CGB8: variants seen among roughly 807,000 people sequenced by gnomAD.
The protein encoded by CGB8 is chorionic gonadotropin subunit beta 8.
In CGB8, 2 loss-of-function variants were observed where a neutral mutation model predicts 7.6. The ratio of observed to expected loss-of-function variants is 0.26; its 90% confidence interval spans 0.11 to 0.83. The LOEUF (loss-of-function observed/expected upper bound fraction) is 0.83. Ranked by LOEUF, CGB8 falls within the 40% of genes least tolerant of loss-of-function variation. The probability of loss-of-function intolerance (pLI) is 0.65; values close to 1 mark genes in which losing one functional copy is unlikely to be tolerated. For synonymous variants in CGB8, 8 were observed against 91.5 expected, an observed-to-expected ratio of 0.09 and a Z score of 5.21; for missense variants, 16 against 208.2, an observed-to-expected ratio of 0.08 and a Z score of 5.68.
At position 49,048,326 on chromosome 19, in the gene CGB8, G is replaced by T; in HGVS notation, c.62C>A (p.Ser21Tyr). 6.3e-7 allele frequency: 1 copy of T among 1,592,744 alleles called. No individual in the cohort carries two copies. Among genetic ancestry groups the T allele is most frequent in the Non-Finnish European group, 8.5e-7 (1 of 1,179,106 alleles). ...GCACCGTGGCCGAAGCGGCTCCTTGGATGCCCATGTCCCGCCCATGCTCAG... is the reference window on the plus strand; with the variant it reads ...GCACCGTGGCCGAAGCGGCTCCTTGTATGCCCATGTCCCGCCCATGCTCAG... ...LLLSMGGTWA[S>Y]KEPLRPRCRP... The change falls in exon 2 of 3, where the codon TCC becomes TAC. Residue 21 changes from serine (S) to tyrosine (Y), a missense_variant. By Grantham distance (144) the Ser-to-Tyr change is moderately radical (BLOSUM62 -2). Coordinates refer to ENST00000448456, the MANE Select transcript of CGB8 (RefSeq NM_033183.3).
chr19:49,048,942 T>C lies in CGB8; in HGVS notation c.-203A>G. 2 of 1,355,710 alleles carry C rather than the reference T, an allele frequency of 1.5e-6. No homozygotes were observed. Among genetic ancestry groups the C allele is most frequent in the Non-Finnish European group, 2.0e-6 (2 of 1,010,448 alleles). 84.0% of individuals were successfully genotyped at this position (1,355,710 alleles called of 1,614,324 possible). A position where few individuals can be genotyped will look rare whatever the true frequency, so the allele number is the denominator to read the frequency against. ...CCTCTCACTGGTCCAGCGCCAAGGG[T>C]GAGGCGGAGACCACGGTGAAGTGAC... On this transcript the variant is annotated 5_prime_UTR_variant, in exon 1 of 3. Coordinates refer to ENST00000448456, the MANE Select transcript of CGB8 (RefSeq NM_033183.3).
Position 49,049,095 on chromosome 19 carries a change from A to G in CGB8, c.-356T>C. Reference sequence around the variant, plus strand: ...CCAGGAGGAGGCCGTGACCCGAGAAAGGTGCTGGACTGAAGCCTCAACCCT... The same window carrying G: ...CCAGGAGGAGGCCGTGACCCGAGAAGGGTGCTGGACTGAAGCCTCAACCCT... On this transcript the variant is annotated 5_prime_UTR_variant, in exon 1 of 3. Coordinates refer to ENST00000448456, the MANE Select transcript of CGB8 (RefSeq NM_033183.3). The G allele has an allele frequency of 1.3e-5, 15 of 1,193,928 alleles. No individual in the cohort carries two copies. Among genetic ancestry groups the G allele is most frequent in the Admixed American group, 3.5e-5 (1 of 28,308 alleles). 74.0% of individuals were successfully genotyped at this position (1,193,928 alleles called of 1,614,324 possible).
Position 49,048,907 on chromosome 19 carries a change from C to A in CGB8, c.-168G>T, listed in dbSNP as rs1325420259. 2 of 1,309,358 alleles carry A rather than the reference C, an allele frequency of 1.5e-6. No homozygotes were observed. The highest frequency in any genetic ancestry group is 2.1e-6 in the Non-Finnish European group (2 of 948,814). 81.1% of individuals were successfully genotyped at this position (1,309,358 alleles called of 1,614,324 possible). A position where few individuals can be genotyped will look rare whatever the true frequency, so the allele number is the denominator to read the frequency against. Reference sequence around the variant, plus strand: ...CGCAGGAGTGGCTCAGCGGAGCGCCCCAGCCCTCTCCTCTCACTGGTCCAG... The same window carrying A: ...CGCAGGAGTGGCTCAGCGGAGCGCCACAGCCCTCTCCTCTCACTGGTCCAG... On this transcript the variant is annotated 5_prime_UTR_variant, in exon 1 of 3. Coordinates refer to ENST00000448456, the MANE Select transcript of CGB8 (RefSeq NM_033183.3).
rs555967253 is a variant in CGB8, at chr19:49,048,971, A to T, written c.-232T>A. The T allele has an allele frequency of 4.2e-5, 59 of 1,397,866 alleles. No individual in the cohort carries two copies. The highest frequency in any genetic ancestry group is 7.3e-5 in the South Asian group (5 of 68,384). The allele number at this position is 1,397,866 out of a possible 1,614,324, so 86.6% of individuals were successfully genotyped here. On this transcript the variant is annotated 5_prime_UTR_variant, in exon 1 of 3. Transcript: ENST00000448456. ...GCGGAGACCACGGTGAAGTGACCTC[A>T]GAGACTCAGTCGTCGAGTGCTAGGG...
chr19:49,048,795 C>T lies in CGB8; in HGVS notation c.-56G>A, dbSNP rs1249965616. On this transcript the variant is annotated 5_prime_UTR_variant, in exon 1 of 3. Coordinates refer to ENST00000448456, the MANE Select transcript of CGB8 (RefSeq NM_033183.3). ...GCTTTAAACCTCGGGGTTGTGGGGG[C>T]GGCAAGGCCACCAGGAGGTTGTAGG... 10 of 1,612,492 alleles carry T rather than the reference C, an allele frequency of 6.2e-6. No individual in the cohort carries two copies. In the African/African-American group the frequency reaches 8.1e-5, roughly 13 times the overall value.
Position 49,047,682 on chromosome 19 carries a change from G to A in CGB8, c.471C>T (p.Pro157=). 1.9e-6 allele frequency: 3 copies of A among 1,609,482 alleles called. No homozygotes were observed. The highest frequency in any genetic ancestry group is 2.5e-6 in the Non-Finnish European group (3 of 1,178,880). ...ATTGTGGGAGGATCGGGGTGTCCGA[G>A]GGCCCCGGGAGTCGGGATGGACTTG... ...SLPSPSRLPG[P]SDTPILPQ is the part of the protein sequence containing the mutation. The change falls in exon 3 of 3, where the codon CCC becomes CCT. Residue 157 remains proline, a synonymous_variant. Transcript: ENST00000448456.
chr19:49,048,095 AC>A, intron 2 of CGB8, 109 bp downstream of exon 2: 1 of 1,411,082 alleles, frequency 7.1e-7, no homozygotes, highest in Non-Finnish European at 9.5e-7. Context: ...GCCCTCCCAC[AC>A]CCCATTCCGC....
chr19:49,048,993 A>C lies in CGB8; in HGVS notation c.-254T>G, dbSNP rs2039967117. Reference sequence around the variant, plus strand: ...CTCAGAGACTCAGTCGTCGAGTGCTAGGGACTAGTCGAGCCTGGAGGCACA... The same window carrying C: ...CTCAGAGACTCAGTCGTCGAGTGCTCGGGACTAGTCGAGCCTGGAGGCACA... On this transcript the variant is annotated 5_prime_UTR_variant, in exon 1 of 3. Transcript: ENST00000448456. The C allele has an allele frequency of 7.2e-7, 1 of 1,383,524 alleles. No homozygotes were observed. The highest frequency in any genetic ancestry group is 9.5e-7 in the Non-Finnish European group (1 of 1,056,658). The allele number at this position is 1,383,524 out of a possible 1,614,324, so 85.7% of individuals were successfully genotyped here. A position where few individuals can be genotyped will look rare whatever the true frequency, so the allele number is the denominator to read the frequency against.
intron 1 of CGB8, 70 bp from the exon 2 acceptor site, chr19:49,048,442 T>A (rs902042722): frequency 1.2e-6 from 2 of 1,601,124 alleles, no homozygotes; most frequent in African/African-American, 2.7e-5. Flanking sequence ...CCATCCCACG[T>A]GGTACACCAC....
Position 49,048,849 on chromosome 19 carries a change from T to A in CGB8, c.-110A>T, listed in dbSNP as rs2039965358. 4.4e-6 allele frequency: 7 copies of A among 1,597,312 alleles called. No homozygotes were observed. In the East Asian group the frequency reaches 1.6e-4, roughly 36 times the overall value. On this transcript the variant is annotated 5_prime_UTR_variant, in exon 1 of 3. Coordinates refer to ENST00000448456, the MANE Select transcript of CGB8 (RefSeq NM_033183.3). The stretch of plus-strand genomic sequence containing the variant: ...CTGGAGTGAGCTCGACACTAACCCT[T>A]CGGGGGGCAAGAGGTAGACAAGGCC...
At position 49,048,876 on chromosome 19, in the gene CGB8, G is replaced by C. The variant is rs1427574127; in HGVS notation, c.-137C>G. 6.0e-6 allele frequency: 9 copies of C among 1,495,316 alleles called. No homozygotes were observed. The highest frequency in any genetic ancestry group is 7.4e-6 in the Non-Finnish European group (8 of 1,087,318). 92.6% of individuals were successfully genotyped at this position (1,495,316 alleles called of 1,614,324 possible). A position where few individuals can be genotyped will look rare whatever the true frequency, so the allele number is the denominator to read the frequency against. On this transcript the variant is annotated 5_prime_UTR_variant, in exon 1 of 3. Transcript: ENST00000448456. ...GGGGGGCAAGAGGTAGACAAGGCCA[G>C]GGGGGCGCAGGAGTGGCTCAGCGGA... is the stretch of plus-strand genomic sequence containing the variant.
In CGB8 at chr19:49,048,837, G is replaced by C. The variant is rs951866166; in HGVS notation, c.-98C>G. ...GGTTGTAGGATGCTGGAGTGAGCTCGACACTAACCCTTCGGGGGGCAAGAG... is the reference window on the plus strand; with the variant it reads ...GGTTGTAGGATGCTGGAGTGAGCTCCACACTAACCCTTCGGGGGGCAAGAG... On this transcript the variant is annotated 5_prime_UTR_variant, in exon 1 of 3. Coordinates refer to ENST00000448456, the MANE Select transcript of CGB8 (RefSeq NM_033183.3). 1.2e-6 allele frequency: 2 copies of C among 1,607,326 alleles called. No homozygotes were observed. Among genetic ancestry groups the C allele is most frequent in the Non-Finnish European group, 1.7e-6 (2 of 1,175,660 alleles).
At chr19:49,048,579 T>G in intron 1 of CGB8, 146 bp downstream of exon 1, 11 of 1,603,638 alleles carry the variant, frequency 6.9e-6, no homozygotes, top group Non-Finnish European at 9.4e-6. Context: ...ATCCCCACCT[T>G]CAGGAAATGC....
At chr19:49,048,591 C>T in intron 1 of CGB8, 134 bp downstream of exon 1, 1 of 1,604,228 alleles carries the variant, frequency 6.2e-7, no homozygotes, top group Non-Finnish European at 8.5e-7. Context: ...AGGAAATGCC[C>T]CACCTGAAGC....
chr19:49,048,604 A>C, intron 1 of CGB8, 121 bp downstream of exon 1: 1 of 1,606,014 alleles, frequency 6.2e-7, no homozygotes, highest in Admixed American at 1.7e-5. Flanking sequence ...CCTGAAGCTT[A>C]CTGGGGGTCA....
At chr19:49,048,477 C>G (rs1310252773) in intron 1 of CGB8, 105 bp from the exon 2 acceptor site, 17 of 1,596,954 alleles carry the variant, frequency 1.1e-5, no homozygotes, top group Admixed American at 3.4e-5. Context: ...AGACCCTTCC[C>G]GGCATCTCCT....
chr19:49,048,472 C>T, intron 1 of CGB8, 100 bp from the exon 2 acceptor site: 1 of 1,599,968 alleles, frequency 6.3e-7, no homozygotes, highest in Admixed American at 1.7e-5. Flanking sequence ...CCCAGAGACC[C>T]TTCCCGGCAT....
intron 1 of CGB8, among the ~76,000 whole-genome samples, 173 bp from the exon 2 acceptor site, chr19:49,048,545 A>G (rs1600233244): frequency 6.6e-6 from 1 of 151,436 alleles, no homozygotes; most frequent in Non-Finnish European, 1.5e-5. Flanking sequence ...AGCCCAGAGG[A>G]CCTGAGATAC....
chr19:49,048,820 G>C lies in CGB8; in HGVS notation c.-81C>G. 6.2e-7 allele frequency: 1 copy of C among 1,611,798 alleles called. No individual in the cohort carries two copies. Among genetic ancestry groups the C allele is most frequent in the African/African-American group, 1.4e-5 (1 of 73,692 alleles). On this transcript the variant is annotated 5_prime_UTR_variant, in exon 1 of 3. The change creates a new upstream start codon in the 5' untranslated region. Coordinates refer to ENST00000448456, the MANE Select transcript of CGB8 (RefSeq NM_033183.3). ...CGGCAAGGCCACCAGGAGGTTGTAGGATGCTGGAGTGAGCTCGACACTAAC... is the reference window on the plus strand; with the variant it reads ...CGGCAAGGCCACCAGGAGGTTGTAGCATGCTGGAGTGAGCTCGACACTAAC...
Sources: gnomAD v4.1 joint callset for allele counts (sites outside exome capture counted in the v4.1 genomes callset) on GRCh38, gnomAD v4.1.1 for gene constraint, MANE v1.5 for transcripts, NCBI Gene and HGNC (gene_info 2026-07-23, HGNC 2026-07-21) for gene names.